The following CACNB2 variants were observed in gnomAD, a reference collection of about 807,000 sequenced individuals.
The protein encoded by CACNB2 is calcium voltage-gated channel auxiliary subunit beta 2, also known as voltage-dependent L-type calcium channel subunit beta-2.
A neutral mutation model predicts 73.3 loss-of-function variants in CACNB2; 42 were observed. The observed-to-expected ratio is 0.57, with a 90% CI of 0.45 to 0.74. The LOEUF (loss-of-function observed/expected upper bound fraction) is 0.74. Among genes scored for constraint, CACNB2 ranks in the 30% least tolerant of loss-of-function variants. CACNB2 has a pLI of 0.00. For synonymous variants in CACNB2, 348 were observed against 310.3 expected, an observed-to-expected ratio of 1.12 and a Z score of -1.28; for missense variants, 940 against 853.0, an observed-to-expected ratio of 1.10 and a Z score of -1.27.
At chr10:18,313,836 A>G (rs2040055078) in intron 2 of CACNB2, among the ~76,000 whole-genome samples, 1 of 152,214 alleles carries the variant, frequency 6.6e-6, no homozygotes, top group African/African-American at 2.4e-5. Context: ...AAAACATTGT[A>G]TTCTTCTAGT....
chr10:18,190,647 C>T (rs1483705466), intron 2 of CACNB2, among the ~76,000 whole-genome samples: 1 of 152,162 alleles, frequency 6.6e-6, no homozygotes, highest in East Asian at 1.9e-4. Context: ...GATGTTCTTC[C>T]AGACTTTTGG....
At chr10:18,538,466 G>A (rs145187467) in intron 13 of CACNB2, 101 bp downstream of exon 13, 1 of 992,380 alleles carries the variant, frequency 1.0e-6, no homozygotes, top group African/African-American at 1.6e-5. Context: ...CCTGCTTGGG[G>A]CTTGTTCTAG....
At chr10:18,165,466 G>A (rs2032786250) in intron 2 of CACNB2, among the ~76,000 whole-genome samples, 1 of 152,242 alleles carries the variant, frequency 6.6e-6, no homozygotes, top group South Asian at 2.1e-4. Context: ...AGGCTGAAGT[G>A]CAAAGGCACG....
At chr10:18,420,205 C>T (rs1323454668) in intron 3 of CACNB2, among the ~76,000 whole-genome samples, 1 of 152,102 alleles carries the variant, frequency 6.6e-6, no homozygotes, top group Non-Finnish European at 1.5e-5. Flanking sequence ...TGAATGTATA[C>T]TCCAGCATTA....
At chr10:18,448,327 G>C (rs933424149) in intron 3 of CACNB2, among the ~76,000 whole-genome samples, 12 of 151,922 alleles carry the variant, frequency 7.9e-5, no homozygotes, top group Non-Finnish European at 1.3e-4. Flanking sequence ...AAAATTAGCA[G>C]GGCATGATGG....
chr10:18,527,570 G>T lies in CACNB2; in HGVS notation c.945-18G>T. The T allele has an allele frequency of 6.4e-7, 1 of 1,574,104 alleles. No individual in the cohort carries two copies. Among genetic ancestry groups the T allele is most frequent in the South Asian group, 1.1e-5 (1 of 90,310 alleles). On this transcript the variant is annotated intron_variant, in intron 9 of 13. Coordinates refer to ENST00000324631, the MANE Select transcript of CACNB2 (RefSeq NM_201596.3). The stretch of plus-strand genomic sequence containing the variant: ...GACCAATAACCTTAAGGTCTTCTGT[G>T]ACTTTTTCCTCCAACAGGATATCCA...
chr10:18,387,348 A>G (rs2043278040), intron 2 of CACNB2, among the ~76,000 whole-genome samples: 1 of 152,110 alleles, frequency 6.6e-6, no homozygotes, highest in Admixed American at 6.6e-5. Flanking sequence ...GTCATAAAAT[A>G]ATGTTTTGTG....
At chr10:18,321,836 G>T (rs1453204483) in intron 2 of CACNB2, among the ~76,000 whole-genome samples, 4 of 152,044 alleles carry the variant, frequency 2.6e-5, no homozygotes, top group African/African-American at 7.2e-5. Context: ...TTGTTTTTGG[G>T]ATTCATGGGT....
At chr10:18,186,108 A>G (rs1391008445) in intron 2 of CACNB2, among the ~76,000 whole-genome samples, 2 of 152,200 alleles carry the variant, frequency 1.3e-5, no homozygotes, top group South Asian at 2.1e-4. Flanking sequence ...TTATTAGACC[A>G]TTCTCACATT....
At chr10:18,504,635 C>G (rs528108771) in intron 5 of CACNB2, among the ~76,000 whole-genome samples, 1 of 144,026 alleles carries the variant, frequency 6.9e-6, no homozygotes, top group South Asian at 2.1e-4. Flanking sequence ...ACATTTCTCT[C>G]CTTTTGTGTG....
chr10:18,262,623 A>G (rs2037606018), intron 2 of CACNB2, among the ~76,000 whole-genome samples: 1 of 152,232 alleles, frequency 6.6e-6, no homozygotes, highest in Non-Finnish European at 1.5e-5. Flanking sequence ...TTAGAGTATA[A>G]GATTAGCCGC....
chr10:18,521,794 G>A (rs896731189), intron 9 of CACNB2, among the ~76,000 whole-genome samples: 1 of 152,192 alleles, frequency 6.6e-6, no homozygotes. Context: ...CAGGGCTAGT[G>A]TATATTTCTG....
chr10:18,340,563 C>T, intron 2 of CACNB2: 12 of 482,000 alleles, frequency 2.5e-5, no homozygotes, highest in Non-Finnish European at 3.6e-5. Flanking sequence ...CCTGGAGGGA[C>T]CTGTCGCATC....
chr10:18,309,605 G>A (rs779873046), intron 2 of CACNB2, among the ~76,000 whole-genome samples: 18 of 152,068 alleles, frequency 1.2e-4, no homozygotes, highest in South Asian at 1.0e-3. Flanking sequence ...TTACAGTCCC[G>A]CGCCACCATG....
At chr10:18,427,548 T>G (rs773212323) in intron 3 of CACNB2, among the ~76,000 whole-genome samples, 1 of 152,200 alleles carries the variant, frequency 6.6e-6, no homozygotes, top group African/African-American at 2.4e-5. Flanking sequence ...GAGTTTGTTA[T>G]GTTCTGATTA....
In CACNB2 at chr10:18,518,534, T is replaced by C. The variant is rs2051505805; in HGVS notation, c.885+118T>C. On this transcript the variant is annotated intron_variant, in intron 8 of 13. Transcript: ENST00000324631. Reference sequence around the variant, plus strand: ...AGCTTAAGGAGCCAACTTTAGAGCTTAGAGAGCTCACAGCAGCAAAGCCTG... The same window carrying C: ...AGCTTAAGGAGCCAACTTTAGAGCTCAGAGAGCTCACAGCAGCAAAGCCTG... 3.8e-6 allele frequency: 3 copies of C among 785,550 alleles called. No individual in the cohort carries two copies. The East Asian group carries it at 7.3e-5, about 19-fold the overall frequency. The allele number at this position is 785,550 out of a possible 1,614,324, so 48.7% of individuals were successfully genotyped here.
At chr10:18,431,826 G>A (rs897013731) in intron 3 of CACNB2, among the ~76,000 whole-genome samples, 9 of 151,808 alleles carry the variant, frequency 5.9e-5, no homozygotes, top group South Asian at 2.1e-4. Flanking sequence ...GTGCAGTGGC[G>A]TGATCTCAGC....
intron 7 of CACNB2, 142 bp downstream of exon 7, chr10:18,514,511 C>T (rs745334248): frequency 2.5e-6 from 4 of 1,613,932 alleles, no homozygotes; most frequent in African/African-American, 1.3e-5. Context: ...GCTGCTGTAG[C>T]TAAGCAGAAG....
chr10:18,318,274 G>C (rs2040269027), intron 2 of CACNB2, among the ~76,000 whole-genome samples: 1 of 152,092 alleles, frequency 6.6e-6, no homozygotes, highest in South Asian at 2.1e-4. Context: ...TACCAAAACA[G>C]ACATATAGAC....
Sources: allele counts gnomAD v4.1 joint callset (sites outside exome capture counted in the v4.1 genomes callset), GRCh38; gene constraint gnomAD v4.1.1; transcripts MANE v1.5; gene names NCBI Gene and HGNC (gene_info 2026-07-23, HGNC 2026-07-21).